FAM151B: variants seen among roughly 807,000 people sequenced by gnomAD.
FAM151B encodes protein FAM151B.
FAM151B carries 24 observed loss-of-function variants against 31.2 expected under a neutral mutation model. The ratio of observed to expected loss-of-function variants is 0.77; its 90% CI spans 0.56 to 1.08. The LOEUF (loss-of-function observed/expected upper bound fraction) is 1.08, where lower values mean the gene tolerates loss of function less well. FAM151B is among the 50% of genes least tolerant of loss of function. The pLI, the probability that FAM151B is intolerant of heterozygous loss-of-function variation, is 0.00. For synonymous variants in FAM151B, 105 were observed against 111.4 expected, an observed-to-expected ratio of 0.94 and a Z score of 0.36; for missense variants, 293 against 328.6, an observed-to-expected ratio of 0.89 and a Z score of 0.84.
At chr5:80,512,941 G>T (rs923894942) in intron 2 of FAM151B, among the ~76,000 whole-genome samples, 11 of 151,944 alleles carry the variant, frequency 7.2e-5, no homozygotes, top group Admixed American at 3.9e-4. Context: ...TTCAAAATTC[G>T]AGATTATGGC....
intron 2 of FAM151B, among the ~76,000 whole-genome samples, chr5:80,511,284 C>T (rs1004819860): frequency 6.6e-6 from 1 of 151,764 alleles, no homozygotes; most frequent in African/African-American, 2.4e-5. Context: ...CCAACCTGGG[C>T]AACACAGTGA....
intron 5 of FAM151B, among the ~76,000 whole-genome samples, chr5:80,534,102 TG>T (rs1745381313): frequency 1.3e-5 from 2 of 152,076 alleles, no homozygotes; most frequent in Non-Finnish European, 2.9e-5. Context: ...GTAATGAGAT[TG>T]AAGCTATAAT....
At chr5:80,499,826 C>A (rs1230116421) in intron 1 of FAM151B, 1 of 151,146 alleles carries the variant, frequency 6.6e-6, no homozygotes, top group Non-Finnish European at 1.5e-5. Context: ...TGTTATTATC[C>A]CTCAATATCT....
chr5:80,501,911 C>T lies in FAM151B; in HGVS notation c.145C>T (p.Leu49=), dbSNP rs779978732. Residue 49 remains leucine, a synonymous_variant, in exon 2 of 6, where the codon CTG becomes TTG. Coordinates refer to ENST00000282226, the MANE Select transcript of FAM151B (RefSeq NM_205548.3). ...ANHKAQTNEA[L]KSTAHMIEAD... ...CCACAAGGCACAAACAAATGAGGCA[C>T]TGAAAAGTAAGTCAGTACAGTTACT... 15 of 1,599,530 alleles carry T rather than the reference C, an allele frequency of 9.4e-6. No individual in the cohort carries two copies. The highest frequency in any genetic ancestry group is 1.2e-5 in the Non-Finnish European group (14 of 1,171,900).
chr5:80,502,089 T>G (rs999411040), intron 2 of FAM151B, among the ~76,000 whole-genome samples, 172 bp downstream of exon 2: 1 of 152,060 alleles, frequency 6.6e-6, no homozygotes, highest in African/African-American at 2.4e-5. Flanking sequence ...TATTTATTCA[T>G]TTTTAGAGAC....
intron 1 of FAM151B, 71 bp downstream of exon 1, chr5:80,488,219 C>T: frequency 1.3e-6 from 2 of 1,490,942 alleles, no homozygotes; most frequent in East Asian, 2.6e-5. Flanking sequence ...CGTACCCTCC[C>T]TTTGCGGGCT....
At chr5:80,535,007 A>G (rs1745426600) in intron 5 of FAM151B, among the ~76,000 whole-genome samples, 1 of 152,206 alleles carries the variant, frequency 6.6e-6, no homozygotes, top group Non-Finnish European at 1.5e-5. Context: ...CACTTAGAAT[A>G]GCCACAATTA....
chr5:80,499,104 G>C (rs1743650813), intron 1 of FAM151B: 1 of 159,096 alleles, frequency 6.3e-6, no homozygotes, highest in Admixed American at 6.4e-5. Context: ...CTCATGCGTG[G>C]GGAATTTGCA....
intron 5 of FAM151B, among the ~76,000 whole-genome samples, chr5:80,540,790 C>A (rs1745846676): frequency 6.6e-6 from 1 of 152,154 alleles, no homozygotes; most frequent in Non-Finnish European, 1.5e-5. Context: ...TGCTGTGGGG[C>A]AATATCCAAA....
intron 5 of FAM151B, among the ~76,000 whole-genome samples, chr5:80,541,171 A>C (rs1285770279): frequency 6.6e-6 from 1 of 152,196 alleles, no homozygotes; most frequent in African/African-American, 2.4e-5. Flanking sequence ...TCTTAGTGAA[A>C]TCTCTTGGCA....
In FAM151B at chr5:80,541,866, T is replaced by C; in HGVS notation, c.*34T>C. Reference sequence around the variant, plus strand: ...TTCTCAATTATTTCCTGTGTTTTGGTTTCATAATCCTTCTCTCCATTGGTC... The same window carrying C: ...TTCTCAATTATTTCCTGTGTTTTGGCTTCATAATCCTTCTCTCCATTGGTC... On this transcript the variant is annotated 3_prime_UTR_variant, in exon 6 of 6. Coordinates refer to ENST00000282226, the MANE Select transcript of FAM151B (RefSeq NM_205548.3). 1 of 1,591,340 alleles carries C rather than the reference T, an allele frequency of 6.3e-7. No homozygotes were observed. The highest frequency in any genetic ancestry group is 8.6e-7 in the Non-Finnish European group (1 of 1,167,910).
chr5:80,508,456 T>A (rs184883189), intron 2 of FAM151B, among the ~76,000 whole-genome samples: 57 of 152,028 alleles, frequency 3.7e-4, no homozygotes, highest in African/African-American at 1.2e-3. Flanking sequence ...TTTTTTTTTT[T>A]AATTATAGCC....
chr5:80,503,264 T>G (rs916177429), intron 2 of FAM151B, among the ~76,000 whole-genome samples: 1 of 152,090 alleles, frequency 6.6e-6, no homozygotes, highest in Non-Finnish European at 1.5e-5. Flanking sequence ...AATAAATAGG[T>G]GAACTTAGAA....
chr5:80,492,332 G>T (rs907256797), intron 1 of FAM151B, among the ~76,000 whole-genome samples: 1 of 152,066 alleles, frequency 6.6e-6, no homozygotes, highest in Non-Finnish European at 1.5e-5. Flanking sequence ...TTATTATGGT[G>T]ATCTGTGATC....
intron 4 of FAM151B, among the ~76,000 whole-genome samples, chr5:80,520,722 TTATTTA>T (rs924064973): frequency 6.8e-6 from 1 of 148,098 alleles, no homozygotes; most frequent in African/African-American, 2.5e-5. Flanking sequence ...TGTATATAGT[TTATTTA>T]TATATAAAAA....
intron 1 of FAM151B, among the ~76,000 whole-genome samples, chr5:80,493,948 G>T (rs910036083): frequency 1.3e-5 from 2 of 152,082 alleles, no homozygotes; most frequent in African/African-American, 4.8e-5. Flanking sequence ...CTGGTTTTGT[G>T]GCTCGGGGTC....
chr5:80,505,473 C>T (rs1743917487), intron 2 of FAM151B, among the ~76,000 whole-genome samples: 1 of 151,212 alleles, frequency 6.6e-6, no homozygotes, highest in African/African-American at 2.4e-5. Context: ...CGGCTCACTG[C>T]AAGCTCCGCC....
chr5:80,514,256 A>T (rs543462593), intron 3 of FAM151B, among the ~76,000 whole-genome samples: 2 of 151,884 alleles, frequency 1.3e-5, no homozygotes, highest in African/African-American at 2.4e-5. Context: ...GGGCGAATCA[A>T]CCGAGGTCAG....
At chr5:80,541,543 C>G (rs1745890821) in intron 5 of FAM151B, 130 bp from the exon 6 acceptor site, 3 of 789,210 alleles carry the variant, frequency 3.8e-6, no homozygotes, top group Non-Finnish European at 4.2e-6. Flanking sequence ...ACAGTTACAC[C>G]ATTGCTGATT....
Sources: allele counts gnomAD v4.1 joint callset (sites outside exome capture counted in the v4.1 genomes callset), GRCh38; gene constraint gnomAD v4.1.1; transcripts MANE v1.5; gene names NCBI Gene and HGNC (gene_info 2026-07-23, HGNC 2026-07-21).